The following RABGAP1L variants were observed in gnomAD, a reference collection of about 807,000 sequenced individuals.
RABGAP1L encodes the protein RAB GTPase activating protein 1 like, also known as rab GTPase-activating protein 1-like.
RABGAP1L carries 63 observed loss-of-function variants against 137.7 expected under a neutral mutation model. The observed-to-expected ratio is 0.46, with a 90% CI of 0.37 to 0.56. RABGAP1L has a LOEUF of 0.56. Ranked by LOEUF, RABGAP1L falls within the 20% of genes least tolerant of loss-of-function variation. The pLI is 0.00. For synonymous variants in RABGAP1L, 431 were observed against 433.7 expected (o/e 0.99, Z 0.08); for missense variants, 1,095 against 1,244.0 (o/e 0.88, Z 1.80).
chr1:174,500,490 C>A (rs1661159033), intron 13 of RABGAP1L, among the ~76,000 whole-genome samples: 1 of 152,076 alleles, frequency 6.6e-6, no homozygotes, highest in African/African-American at 2.4e-5. Flanking sequence ...TCACTTGAGA[C>A]CCTGTTATGC....
At position 174,313,476 on chromosome 1, in the gene RABGAP1L, T is replaced by C. The variant is rs528509313; in HGVS notation, c.1465+8349T>C. ...TTATATCTTTGTCCTGTCTCATTGC[T>C]CTAGCTAGGACTTGCAGTACTGTGT... On this transcript the variant is annotated intron_variant, in intron 11 of 25. Transcript: ENST00000681986. Among the ~76,000 whole-genome samples the C allele has an allele frequency of 1.5e-4, 23 of 152,326 alleles. No homozygotes were observed. The East Asian group carries it at 1.5e-3, about 10-fold the overall frequency.
At chr1:174,606,771 CCT>C (rs938155451) in intron 13 of RABGAP1L, among the ~76,000 whole-genome samples, 4 of 152,158 alleles carry the variant, frequency 2.6e-5, no homozygotes, top group Non-Finnish European at 4.4e-5. Context: ...TCCTCATTTT[CCT>C]CTGTCTTACA....
chr1:174,802,923 C>T (rs1688888841), intron 18 of RABGAP1L, among the ~76,000 whole-genome samples: 1 of 152,148 alleles, frequency 6.6e-6, no homozygotes, highest in South Asian at 2.1e-4. Flanking sequence ...TGCAGTATTG[C>T]AATCTTTTCA....
At chr1:174,870,718 T>C (rs1165880882) in intron 19 of RABGAP1L, among the ~76,000 whole-genome samples, 1 of 152,084 alleles carries the variant, frequency 6.6e-6, no homozygotes, top group Non-Finnish European at 1.5e-5. Flanking sequence ...TTATTAAATA[T>C]TAGCTGCCAC....
rs569714438 is a variant in RABGAP1L, at chr1:174,612,131, A to G, written c.1711-25244A>G. Among the ~76,000 whole-genome samples the G allele has an allele frequency of 1.2e-4, 18 of 151,986 alleles. 1 individual carries two copies. The highest frequency in any genetic ancestry group is 1.1e-3 in the Admixed American group (16 of 15,192). ...GTGAGAGAGGGCATCCCTGTCTTGCACCTGTTTTCAAAGGGAATGCTTCCA... is the reference window on the plus strand; with the variant it reads ...GTGAGAGAGGGCATCCCTGTCTTGCGCCTGTTTTCAAAGGGAATGCTTCCA... On this transcript the variant is annotated intron_variant, in intron 13 of 25. Transcript: ENST00000681986.
intron 1 of RABGAP1L, among the ~76,000 whole-genome samples, chr1:174,166,569 G>C (rs185381416): frequency 6.6e-6 from 1 of 152,298 alleles, no homozygotes; most frequent in East Asian, 1.9e-4. Flanking sequence ...TTGAAGTCTT[G>C]GATGGAACTT....
At chr1:174,531,103 A>T (rs1352983013) in intron 13 of RABGAP1L, among the ~76,000 whole-genome samples, 1 of 152,168 alleles carries the variant, frequency 6.6e-6, no homozygotes, top group African/African-American at 2.4e-5. Context: ...TTCACAAGGG[A>T]GTATATAGTA....
At position 174,387,392 on chromosome 1, in the gene RABGAP1L, A is replaced by G. The variant is rs79597719; in HGVS notation, c.1560-6603A>G. ...TAAACAGAAAATTGTGATATTATCA[A>G]TAAATCCTTCTGTAAGCATTGTAGA... On this transcript the variant is annotated intron_variant, in intron 12 of 25. Coordinates refer to ENST00000681986, the MANE Select transcript of RABGAP1L (RefSeq NM_001366446.1). Among the ~76,000 whole-genome samples the G allele has an allele frequency of 9.5e-3, 1,445 of 152,340 alleles. 22 individuals carry two copies. The highest frequency in any genetic ancestry group is 0.033 in the African/African-American group (1,386 of 41,570).
chr1:174,262,958 G>T (rs962643268), intron 7 of RABGAP1L, among the ~76,000 whole-genome samples: 1 of 152,240 alleles, frequency 6.6e-6, no homozygotes, highest in African/African-American at 2.4e-5. Context: ...CTTATTGTAA[G>T]ATCCAGGGAC....
At position 174,869,876 on chromosome 1, in the gene RABGAP1L, C is replaced by T. The variant is rs188516249; in HGVS notation, c.2340+57916C>T. ...GACCTCTGCCTGTGACTAGAAAACA[C>T]GCTCCCACCAGACACCAAATCTGCC... On this transcript the variant is annotated intron_variant, in intron 19 of 25. Coordinates refer to ENST00000681986, the MANE Select transcript of RABGAP1L (RefSeq NM_001366446.1). Among the ~76,000 whole-genome samples the T allele has an allele frequency of 7.2e-5, 11 of 152,278 alleles. No individual in the cohort carries two copies. In the East Asian group the frequency reaches 7.7e-4, roughly 11 times the overall value.
intron 17 of RABGAP1L, among the ~76,000 whole-genome samples, chr1:174,711,588 C>T (rs1680523557): frequency 6.6e-6 from 1 of 152,296 alleles, no homozygotes; most frequent in East Asian, 1.9e-4. Flanking sequence ...TGCTGGCCCA[C>T]CCGCACCACG....
intron 17 of RABGAP1L, among the ~76,000 whole-genome samples, chr1:174,726,935 G>C (rs1161642800): frequency 2.0e-5 from 3 of 152,172 alleles, no homozygotes; most frequent in East Asian, 1.9e-4. Flanking sequence ...ATCGTGTTCT[G>C]TCTTAATTTT....
chr1:174,982,403 T>G (rs1006780490), intron 23 of RABGAP1L, among the ~76,000 whole-genome samples: 1 of 152,222 alleles, frequency 6.6e-6, no homozygotes, highest in Admixed American at 6.5e-5. Context: ...TTAAGGAAAC[T>G]TTTGTGATTG....
intron 13 of RABGAP1L, among the ~76,000 whole-genome samples, chr1:174,458,620 T>C (rs1432768143): frequency 2.0e-5 from 3 of 152,140 alleles, no homozygotes; most frequent in African/African-American, 7.2e-5. Flanking sequence ...GTTCTTACTA[T>C]TATATAGCTA....
intron 14 of RABGAP1L, among the ~76,000 whole-genome samples, chr1:174,644,069 T>G (rs1405127536): frequency 6.6e-6 from 1 of 151,946 alleles, no homozygotes; most frequent in African/African-American, 2.4e-5. Context: ...TTTTGGGGGT[T>G]TTTTTGGTCC....
intron 18 of RABGAP1L, among the ~76,000 whole-genome samples, chr1:174,804,815 T>C (rs1377775592): frequency 1.3e-5 from 2 of 152,236 alleles, no homozygotes; most frequent in Non-Finnish European, 2.9e-5. Context: ...AAAGTACTTA[T>C]GCTGATAAAT....
chr1:174,473,402 T>G (rs1294620076), intron 13 of RABGAP1L, among the ~76,000 whole-genome samples: 3 of 152,128 alleles, frequency 2.0e-5, no homozygotes, highest in Admixed American at 1.3e-4. Context: ...TTCTTGATTT[T>G]GGTATAGCAT....
At chr1:174,184,787 G>A (rs553852396) in intron 1 of RABGAP1L, among the ~76,000 whole-genome samples, 5 of 152,284 alleles carry the variant, frequency 3.3e-5, no homozygotes, top group Admixed American at 1.3e-4. Flanking sequence ...CAGAAGTTTC[G>A]TGAAATTTTA....
At chr1:174,960,753 T>G (rs1298377796) in intron 20 of RABGAP1L, among the ~76,000 whole-genome samples, 1 of 152,198 alleles carries the variant, frequency 6.6e-6, no homozygotes, top group East Asian at 1.9e-4. Flanking sequence ...GAGAGCTTCC[T>G]GTTGAAATTA....
Sources: gnomAD v4.1 joint callset for allele counts (sites outside exome capture counted in the v4.1 genomes callset) on GRCh38, gnomAD v4.1.1 for gene constraint, MANE v1.5 for transcripts, NCBI Gene and HGNC (gene_info 2026-07-23, HGNC 2026-07-21) for gene names.